Variants in CCDC102B observed in about 807,000 individuals in gnomAD.
The protein encoded by CCDC102B is coiled-coil domain-containing protein 102B.
CCDC102B carries 75 observed loss-of-function variants against 57.4 expected under a neutral mutation model. The observed-to-expected ratio is 1.31, with a 90% CI of 1.08 to 1.58. The LOEUF is 1.58. CCDC102B is among the 40% of genes most tolerant of loss of function. The pLI, the probability that CCDC102B is intolerant of heterozygous loss-of-function variation, is 0.00. For synonymous variants in CCDC102B, 206 were observed against 201.9 expected (o/e 1.02, Z -0.17); for missense variants, 636 against 582.6 (o/e 1.09, Z -0.94).
chr18:68,835,171 A>G (rs1240436661), intron 1 of CCDC102B, among the ~76,000 whole-genome samples: 1 of 152,166 alleles, frequency 6.6e-6, no homozygotes. Context: ...GTATTGTTAC[A>G]TATGGTATAC....
chr18:68,764,399 G>A (rs1199894451), intron 2 of CCDC102B, among the ~76,000 whole-genome samples: 1 of 152,148 alleles, frequency 6.6e-6, no homozygotes, highest in Non-Finnish European at 1.5e-5. Context: ...CAGATAAGTA[G>A]CTAAGGCTCA....
At chr18:68,885,511 T>C (rs909560441) in intron 5 of CCDC102B, among the ~76,000 whole-genome samples, 4 of 152,028 alleles carry the variant, frequency 2.6e-5, no homozygotes, top group African/African-American at 9.7e-5. Context: ...GATAAATAAA[T>C]GAGCACATAT....
chr18:68,818,933 A>G (rs886778183), intron 1 of CCDC102B, among the ~76,000 whole-genome samples: 1 of 152,090 alleles, frequency 6.6e-6, no homozygotes, highest in African/African-American at 2.4e-5. Context: ...CATGAAGTAC[A>G]TCTTCAAGTT....
At chr18:68,866,054 A>G (rs1364130799) in intron 4 of CCDC102B, among the ~76,000 whole-genome samples, 2 of 152,334 alleles carry the variant, frequency 1.3e-5, no homozygotes, top group Middle Eastern at 6.8e-3. Flanking sequence ...ATGAACACAC[A>G]AATTAATTGA....
At chr18:68,942,790 C>G (rs1173666669) in intron 6 of CCDC102B, among the ~76,000 whole-genome samples, 1 of 151,636 alleles carries the variant, frequency 6.6e-6, no homozygotes, top group Non-Finnish European at 1.5e-5. Flanking sequence ...CTTCCTCTTT[C>G]ACTAATCCTC....
At chr18:68,765,319 AGGAAG>A (rs1568238715) in intron 2 of CCDC102B, among the ~76,000 whole-genome samples, 1 of 48,168 alleles carries the variant, frequency 2.1e-5, no homozygotes, top group African/African-American at 7.2e-5. Context: ...GAAGGAAGGA[AGGAAG>A]GAAAGAAAGA....
chr18:68,964,698 C>A (rs1264673185), intron 6 of CCDC102B, among the ~76,000 whole-genome samples: 1 of 151,690 alleles, frequency 6.6e-6, no homozygotes, highest in Non-Finnish European at 1.5e-5. Context: ...TCTTTCTTTT[C>A]TTTGGTCTTG....
intron 6 of CCDC102B, among the ~76,000 whole-genome samples, chr18:68,916,977 G>A (rs2041094937): frequency 6.6e-6 from 1 of 152,118 alleles, no homozygotes; most frequent in Admixed American, 6.5e-5. Context: ...CAGAGGTGCA[G>A]GCCCCAGCAG....
At chr18:68,760,276 A>T (rs1055674220) in intron 2 of CCDC102B, among the ~76,000 whole-genome samples, 1 of 152,110 alleles carries the variant, frequency 6.6e-6, no homozygotes, top group Non-Finnish European at 1.5e-5. Flanking sequence ...TAAGGTTAGT[A>T]TACAAAATTC....
chr18:68,957,077 G>GTTGCCTTTTCACT (rs2049920425), intron 6 of CCDC102B, among the ~76,000 whole-genome samples: 1 of 151,788 alleles, frequency 6.6e-6, no homozygotes, highest in Non-Finnish European at 1.5e-5. Flanking sequence ...TATTCTCTAG[G>GTTGCCTTTTCACT]TTGCCTTTTC....
intron 7 of CCDC102B, among the ~76,000 whole-genome samples, chr18:69,042,444 T>C (rs1371679137): frequency 6.6e-6 from 1 of 152,130 alleles, no homozygotes; most frequent in Non-Finnish European, 1.5e-5. Flanking sequence ...CTTATCTACA[T>C]GGCTACCACT....
intron 5 of CCDC102B, among the ~76,000 whole-genome samples, chr18:68,887,692 G>C (rs2039938305): frequency 6.6e-6 from 1 of 152,168 alleles, no homozygotes; most frequent in Admixed American, 6.5e-5. Flanking sequence ...GTGTACCTTT[G>C]ATGTTGCTAT....
intron 2 of CCDC102B, among the ~76,000 whole-genome samples, chr18:68,786,414 G>T (rs2035214473): frequency 7.7e-6 from 1 of 130,036 alleles, no homozygotes; most frequent in Non-Finnish European, 1.6e-5. Flanking sequence ...AAATTACCTT[G>T]GGCAGTATGG....
chr18:69,015,952 T>C lies in CCDC102B; in HGVS notation c.1434+4848T>C, dbSNP rs575249850. Among the ~76,000 whole-genome samples the C allele has an allele frequency of 2.6e-5, 4 of 152,108 alleles. No homozygotes were observed. In the East Asian group the frequency reaches 7.7e-4, roughly 29 times the overall value. ...TCACTGCAAGCTCTGCCACCCATGT[T>C]CATGCCATTCTCCTGCCTCAGCCTC... On this transcript the variant is annotated intron_variant, in intron 7 of 7. Coordinates refer to ENST00000360242, the MANE Select transcript of CCDC102B (RefSeq NM_024781.3).
chr18:68,944,189 A>G (rs894425532), intron 6 of CCDC102B, among the ~76,000 whole-genome samples: 5 of 152,254 alleles, frequency 3.3e-5, no homozygotes, highest in African/African-American at 1.2e-4. Context: ...TCAAGAAGCC[A>G]AATGGAGTTT....
intron 7 of CCDC102B, among the ~76,000 whole-genome samples, chr18:69,049,327 G>C (rs1362967751): frequency 2.0e-5 from 3 of 152,076 alleles, no homozygotes; most frequent in Non-Finnish European, 4.4e-5. Flanking sequence ...TGCTGAGAAT[G>C]ATGGTTTGCA....
chr18:68,941,433 A>G (rs2049378122), intron 6 of CCDC102B, among the ~76,000 whole-genome samples: 1 of 152,032 alleles, frequency 6.6e-6, no homozygotes, highest in South Asian at 2.1e-4. Context: ...ATTTTTTTCC[A>G]AACATTTCTG....
In CCDC102B at chr18:68,956,332, T is replaced by TATATATAATATATACATAAA. The variant is rs1425854294; in HGVS notation, c.1264-54588_1264-54587insCATAAAATATATAATATATA. ...CTTTATAGATATATTTTATATATAT[T>TATATATAATATATACATAAA]ATATATAATATATATATTAATATAT... is the stretch of plus-strand genomic sequence containing the variant. On this transcript the variant is annotated intron_variant, in intron 6 of 7. Transcript: ENST00000360242. 0.023 allele frequency among the ~76,000 whole-genome samples: 1,259 copies of TATATATAATATATACATAAA among 54,942 alleles called. 28 individuals carry two copies. The East Asian group carries it at 0.33, about 15-fold the overall frequency. The allele number at this position is 54,942 out of a possible 152,430, so 36.0% of individuals were successfully genotyped here. A position where few individuals can be genotyped will look rare whatever the true frequency, so the allele number is the denominator to read the frequency against.
chr18:69,052,328 C>G (rs576205813), intron 7 of CCDC102B, among the ~76,000 whole-genome samples: 1 of 151,950 alleles, frequency 6.6e-6, no homozygotes, highest in African/African-American at 2.4e-5. Context: ...TAAACTGGAT[C>G]CCTTCTAATT....
Sources: allele counts gnomAD v4.1 joint callset (sites outside exome capture counted in the v4.1 genomes callset), GRCh38; gene constraint gnomAD v4.1.1; transcripts MANE v1.5; gene names NCBI Gene and HGNC (gene_info 2026-07-23, HGNC 2026-07-21).